The following SHOC2 variants were observed in gnomAD, a reference collection of about 807,000 sequenced individuals.
SHOC2 encodes the protein SHOC2 leucine rich repeat scaffold protein.
In SHOC2, 4 loss-of-function variants were observed where a neutral mutation model predicts 50.2. The observed-to-expected ratio is 0.08, with a 90% CI of 0.04 to 0.18. The LOEUF (loss-of-function observed/expected upper bound fraction) is 0.18. Ranked by LOEUF, SHOC2 falls within the 10% of genes least tolerant of loss-of-function variation. SHOC2 has a pLI of 1.00. For missense variants in SHOC2, 388 were observed against 669.6 expected (o/e 0.58, Z 4.64); for synonymous variants, 218 against 244.5 (o/e 0.89, Z 1.01).
chr10:110,944,421 T>TA (rs1847209934), intron 1 of SHOC2, among the ~76,000 whole-genome samples: 1 of 150,130 alleles, frequency 6.7e-6, no homozygotes, highest in South Asian at 2.1e-4. Context: ...AAGTGTTTAA[T>TA]AAGTCCAATA....
chr10:111,011,913 G>A lies in SHOC2; in HGVS notation c.*95G>A, dbSNP rs1479832656. ...TCTATTTATGTAGATATTGGTATAT[G>A]GCAGATTTATAAAAATTGCATTATG... On this transcript the variant is annotated 3_prime_UTR_variant, in exon 9 of 9. Coordinates refer to ENST00000369452, the MANE Select transcript of SHOC2 (RefSeq NM_007373.4). 2.8e-5 allele frequency: 28 copies of A among 996,140 alleles called. No individual in the cohort carries two copies. The highest frequency in any genetic ancestry group is 4.0e-5 in the Non-Finnish European group (26 of 643,488). The allele number at this position is 996,140 out of a possible 1,614,324, so 61.7% of individuals were successfully genotyped here. A position where few individuals can be genotyped will look rare whatever the true frequency, so the allele number is the denominator to read the frequency against.
chr10:110,979,817 T>C (rs1336597693), intron 2 of SHOC2, among the ~76,000 whole-genome samples: 1 of 152,194 alleles, frequency 6.6e-6, no homozygotes, highest in Non-Finnish European at 1.5e-5. Context: ...GTGGATTCCA[T>C]TCCTCTCTCA....
chr10:111,007,417 C>A, intron 5 of SHOC2, 114 bp from the exon 6 acceptor site: 1 of 1,217,248 alleles, frequency 8.2e-7, no homozygotes, highest in Non-Finnish European at 1.2e-6. Context: ...ATTTAAATAT[C>A]AAAAAGGGGA....
intron 3 of SHOC2, among the ~76,000 whole-genome samples, chr10:110,990,150 G>T (rs553234236): frequency 1.3e-5 from 2 of 152,196 alleles, no homozygotes; most frequent in East Asian, 1.9e-4. Context: ...GAAGGCGAGC[G>T]CATGGCGCGG....
chr10:110,982,630 GT>G (rs570082420), intron 2 of SHOC2, among the ~76,000 whole-genome samples: 10 of 151,494 alleles, frequency 6.6e-5, no homozygotes, highest in African/African-American at 1.5e-4. Context: ...TTTTTCATGT[GT>G]TTTTTGGCTG....
At chr10:110,963,209 A>G (rs1296785881) in intron 1 of SHOC2, among the ~76,000 whole-genome samples, 1 of 152,218 alleles carries the variant, frequency 6.6e-6, no homozygotes, top group East Asian at 1.9e-4. Context: ...ATGTTTAGGG[A>G]GGACTGATTC....
intron 1 of SHOC2, among the ~76,000 whole-genome samples, chr10:110,949,199 A>G (rs1233226741): frequency 6.6e-6 from 1 of 152,190 alleles, no homozygotes; most frequent in Admixed American, 6.5e-5. Context: ...GAACTGACAA[A>G]TCTTTAGCTA....
At chr10:111,003,506 T>A (rs1323440002) in intron 4 of SHOC2, among the ~76,000 whole-genome samples, 1 of 152,218 alleles carries the variant, frequency 6.6e-6, no homozygotes, top group Non-Finnish European at 1.5e-5. Context: ...GTTAACTTAT[T>A]TATGTATTTT....
chr10:110,984,674 T>G (rs1267273910), intron 2 of SHOC2, among the ~76,000 whole-genome samples: 1 of 152,058 alleles, frequency 6.6e-6, no homozygotes, highest in Non-Finnish European at 1.5e-5. Flanking sequence ...AATGAAAAGG[T>G]TTTTTAAAGC....
chr10:110,964,469 G>C lies in SHOC2; in HGVS notation c.111G>C (p.Glu37Asp). Residue 37 changes from glutamate to aspartate, a missense_variant, in exon 2 of 9, where the codon GAG becomes GAC. By Grantham distance (45) the Glu-to-Asp change is conservative (BLOSUM62 2). Coordinates refer to ENST00000369452, the MANE Select transcript of SHOC2 (RefSeq NM_007373.4). The surrounding 1 kb of genome is among the most constrained non-coding windows in gnomAD (Gnocchi z 4.9). ...EAKASGGFGK[E>D]SKEKEPKTKG... ...AAGCCTCTGGAGGTTTTGGGAAAGA[G>C]AGCAAAGAAAAAGAACCTAAGACCA... The C allele has an allele frequency of 6.2e-7, 1 of 1,613,924 alleles. No individual in the cohort carries two copies. Among genetic ancestry groups the C allele is most frequent in the African/African-American group, 1.3e-5 (1 of 74,984 alleles).
chr10:111,005,119 C>G (rs960878954), intron 5 of SHOC2, among the ~76,000 whole-genome samples: 3 of 152,032 alleles, frequency 2.0e-5, no homozygotes, highest in East Asian at 1.9e-4. Context: ...GAGACCTTGT[C>G]TCGCAAAAAT....
At chr10:110,946,880 G>T (rs1397885314) in intron 1 of SHOC2, among the ~76,000 whole-genome samples, 1 of 152,176 alleles carries the variant, frequency 6.6e-6, no homozygotes, top group African/African-American at 2.4e-5. Flanking sequence ...ATATTTAAAA[G>T]TTAAATAGGA....
chr10:110,984,167 T>C (rs1351742805), intron 2 of SHOC2, among the ~76,000 whole-genome samples: 2 of 152,210 alleles, frequency 1.3e-5, no homozygotes, highest in Non-Finnish European at 2.9e-5. Flanking sequence ...CTAGTACTTG[T>C]TATTTTCTAT....
chr10:110,920,104 T>C, intron 1 of SHOC2: 1 of 150,854 alleles, frequency 6.6e-6, no homozygotes, highest in Non-Finnish European at 1.5e-5. Flanking sequence ...CCGAGTCGTG[T>C]AAATCGTTGG....
chr10:110,982,526 T>C (rs1273165337), intron 2 of SHOC2, among the ~76,000 whole-genome samples: 2 of 152,100 alleles, frequency 1.3e-5, no homozygotes, highest in Non-Finnish European at 2.9e-5. Context: ...TGTTGTTTCC[T>C]GACTTTTTAA....
intron 2 of SHOC2, among the ~76,000 whole-genome samples, chr10:110,985,068 C>A (rs1848052717): frequency 6.6e-6 from 1 of 152,024 alleles, no homozygotes; most frequent in Non-Finnish European, 1.5e-5. Context: ...TTATCTTGAT[C>A]CATTTTGGTA....
chr10:110,976,338 A>G (rs1365659590), intron 2 of SHOC2, among the ~76,000 whole-genome samples: 3 of 149,124 alleles, frequency 2.0e-5, no homozygotes. Context: ...TTGAGGCAGG[A>G]TCTCACTCTG....
At chr10:110,983,820 G>T (rs964781582) in intron 2 of SHOC2, among the ~76,000 whole-genome samples, 22 of 152,084 alleles carry the variant, frequency 1.4e-4, no homozygotes, top group African/African-American at 5.3e-4. Context: ...TGTTTTCCAG[G>T]TTTATCCATG....
chr10:110,981,774 A>G (rs186464552), intron 2 of SHOC2, among the ~76,000 whole-genome samples: 9 of 152,080 alleles, frequency 5.9e-5, no homozygotes, highest in Admixed American at 3.9e-4. Flanking sequence ...CACCTTGCAT[A>G]TCTGGAATTA....
Sources: allele counts gnomAD v4.1 joint callset (sites outside exome capture counted in the v4.1 genomes callset), GRCh38; gene constraint gnomAD v4.1.1; non-coding constraint Gnocchi (gnomAD v3.1); transcripts MANE v1.5; gene names NCBI Gene and HGNC (gene_info 2026-07-23, HGNC 2026-07-21).